RYR2: variants seen among roughly 807,000 people sequenced by gnomAD.
RYR2 encodes ryanodine receptor 2, also known as cardiac muscle ryanodine receptor-calcium release channel.
In RYR2, 227 loss-of-function variants were observed where a neutral mutation model predicts 601.1. That is an observed-to-expected ratio of 0.38 (90% confidence interval 0.34 to 0.42). The LOEUF (loss-of-function observed/expected upper bound fraction) is 0.42, where lower values mean the gene tolerates loss of function less well. Ranked by LOEUF, RYR2 falls within the 10% of genes least tolerant of loss-of-function variation. The probability of loss-of-function intolerance (pLI) is 1.00; values close to 1 mark genes in which losing one functional copy is unlikely to be tolerated. For missense variants in RYR2, 4,646 were observed against 6,156.5 expected (o/e 0.75, Z 8.21); for synonymous variants, 2,223 against 2,175.1 (o/e 1.02, Z -0.61).
intron 1 of RYR2, among the ~76,000 whole-genome samples, chr1:237,105,547 A>G (rs1668569311): frequency 6.6e-6 from 1 of 152,170 alleles, no homozygotes; most frequent in Non-Finnish European, 1.5e-5. Context: ...AAATACAAAA[A>G]TTAGCTGGGC....
At chr1:237,506,964 C>G in intron 23 of RYR2, 150 bp downstream of exon 23, 1 of 695,946 alleles carries the variant, frequency 1.4e-6, no homozygotes, top group Non-Finnish European at 2.5e-6. Context: ...TGCAGTTTTG[C>G]CTTACTACGT....
At chr1:237,751,809 G>T (rs951525093) in intron 80 of RYR2, among the ~76,000 whole-genome samples, 7 of 152,124 alleles carry the variant, frequency 4.6e-5, no homozygotes. Context: ...TCATTACACT[G>T]TTTGAAAGAT....
intron 1 of RYR2, among the ~76,000 whole-genome samples, chr1:237,148,850 A>G (rs1240009196): frequency 6.6e-6 from 1 of 151,970 alleles, no homozygotes; most frequent in Non-Finnish European, 1.5e-5. Context: ...TTGTGATTTT[A>G]TTGTCGTTGG....
intron 1 of RYR2, among the ~76,000 whole-genome samples, chr1:237,087,791 AAAAT>A (rs1408489418): frequency 2.0e-5 from 3 of 152,194 alleles, no homozygotes; most frequent in Non-Finnish European, 4.4e-5. Flanking sequence ...ATGTGTTTGT[AAAAT>A]GAGCCTTAAT....
At chr1:237,804,486 G>A (rs2794827) in intron 98 of RYR2, among the ~76,000 whole-genome samples, 28,300 of 151,220 alleles carry the variant, frequency 0.19, 3,133 homozygotes, top group East Asian at 0.49. Flanking sequence ...CCAAATGGGT[G>A]GTTTCTGACT....
intron 1 of RYR2, among the ~76,000 whole-genome samples, chr1:237,094,638 G>T (rs139273597): frequency 5.9e-5 from 9 of 152,062 alleles, no homozygotes; most frequent in Non-Finnish European, 8.8e-5. Flanking sequence ...ACAGTGGTGC[G>T]ATCTCGGCCC....
chr1:237,424,356 A>G (rs1274160134), intron 12 of RYR2, among the ~76,000 whole-genome samples: 1 of 152,212 alleles, frequency 6.6e-6, no homozygotes, highest in Non-Finnish European at 1.5e-5. Flanking sequence ...AGGTATAGGC[A>G]TCTTCACAGT....
At chr1:237,741,368 T>A (rs961359602) in intron 79 of RYR2, among the ~76,000 whole-genome samples, 3 of 152,130 alleles carry the variant, frequency 2.0e-5, no homozygotes, top group South Asian at 2.1e-4. Flanking sequence ...GTTTATGATT[T>A]GTAGCTTATA....
At chr1:237,190,156 T>G (rs1679814202) in intron 1 of RYR2, among the ~76,000 whole-genome samples, 1 of 152,178 alleles carries the variant, frequency 6.6e-6, no homozygotes, top group African/African-American at 2.4e-5. Context: ...CCCAAAGTGC[T>G]GGGATAACAG....
chr1:237,358,654 A>G (rs554309900), intron 4 of RYR2, among the ~76,000 whole-genome samples: 2 of 151,830 alleles, frequency 1.3e-5, no homozygotes, highest in African/African-American at 4.8e-5. Flanking sequence ...GACAATCCCA[A>G]GCTGGATCTG....
intron 3 of RYR2, among the ~76,000 whole-genome samples, chr1:237,343,314 A>C (rs1448508437): frequency 2.0e-5 from 3 of 152,320 alleles, no homozygotes; most frequent in East Asian, 3.9e-4. Context: ...AACACGAGAG[A>C]TCACAGAAGA....
intron 3 of RYR2, among the ~76,000 whole-genome samples, chr1:237,355,003 A>G (rs776388901): frequency 1.3e-5 from 2 of 152,140 alleles, no homozygotes; most frequent in Non-Finnish European, 2.9e-5. Context: ...CTTTTTATGC[A>G]TATTGCTTCC....
At chr1:237,091,908 T>C (rs1329329450) in intron 1 of RYR2, among the ~76,000 whole-genome samples, 1 of 152,144 alleles carries the variant, frequency 6.6e-6, no homozygotes, top group Non-Finnish European at 1.5e-5. Flanking sequence ...GATACCAGGG[T>C]TCTTGGCTGA....
chr1:237,553,518 T>C (rs1670604175), intron 27 of RYR2, among the ~76,000 whole-genome samples: 1 of 152,000 alleles, frequency 6.6e-6, no homozygotes. Context: ...ACTTCTTTCA[T>C]ATTTTATAAA....
Position 237,819,244 on chromosome 1 carries a change from GT to G in RYR2, c.14590+54del. Reference sequence around the variant, plus strand: ...TGAACATCTAGAATTTGAGCCACATGTTGCTGAAGTTAATATTCAAGGTAGG... The same window carrying G: ...TGAACATCTAGAATTTGAGCCACATGTGCTGAAGTTAATATTCAAGGTAGG... On this transcript the variant is annotated intron_variant, in intron 101 of 104. Transcript: ENST00000366574. The surrounding 1 kb of genome is among the most constrained non-coding windows in gnomAD (Gnocchi z 4.0). The G allele has an allele frequency of 6.6e-7, 1 of 1,526,254 alleles. No individual in the cohort carries two copies. Among genetic ancestry groups the G allele is most frequent in the African/African-American group, 1.4e-5 (1 of 73,336 alleles). 94.5% of individuals were successfully genotyped at this position (1,526,254 alleles called of 1,614,324 possible). A position where few individuals can be genotyped will look rare whatever the true frequency, so the allele number is the denominator to read the frequency against.
In RYR2 at chr1:237,475,774, C is replaced by G. The variant is rs77801939; in HGVS notation, c.1708+6587C>G. On this transcript the variant is annotated intron_variant, in intron 17 of 104. Coordinates refer to ENST00000366574, the MANE Select transcript of RYR2 (RefSeq NM_001035.3). ...GTTTTTGTGGTGAAAGCACCAGTGACACCAGTCACTATGTATACTAAGAGT... is the reference window on the plus strand; with the variant it reads ...GTTTTTGTGGTGAAAGCACCAGTGAGACCAGTCACTATGTATACTAAGAGT... Among the ~76,000 whole-genome samples, 60 of 152,348 alleles carry G rather than the reference C, an allele frequency of 3.9e-4. No individual in the cohort carries two copies. The East Asian group carries it at 0.011, about 28-fold the overall frequency.
chr1:237,831,983 T>C (rs4659819), intron 104 of RYR2, among the ~76,000 whole-genome samples: 86,391 of 151,864 alleles, frequency 0.57, 25,373 homozygotes, highest in African/African-American at 0.71. Context: ...TGTTAGTAGT[T>C]TGAATTTGAA....
intron 12 of RYR2, among the ~76,000 whole-genome samples, chr1:237,423,539 C>T (rs1184108325): frequency 6.6e-6 from 1 of 152,124 alleles, no homozygotes; most frequent in Non-Finnish European, 1.5e-5. Flanking sequence ...TAGTATGAAG[C>T]TGTCAAAAAT....
intron 52 of RYR2, 93 bp from the exon 53 acceptor site, chr1:237,655,728 A>T: frequency 8.1e-7 from 1 of 1,236,790 alleles, no homozygotes; most frequent in Non-Finnish European, 1.1e-6. Flanking sequence ...GGTAATTCAG[A>T]TTTTCTTCTG....
Sources: gnomAD v4.1 joint callset for allele counts (sites outside exome capture counted in the v4.1 genomes callset) on GRCh38, gnomAD v4.1.1 for gene constraint, Gnocchi (gnomAD v3.1) non-coding constraint, MANE v1.5 for transcripts, NCBI Gene and HGNC (gene_info 2026-07-23, HGNC 2026-07-21) for gene names.